The following GPD2 variants were observed in gnomAD, a reference collection of about 807,000 sequenced individuals.
GPD2 encodes glycerol-3-phosphate dehydrogenase, mitochondrial.
GPD2 carries 54 observed loss-of-function variants against 82.4 expected under a neutral mutation model. That is an observed-to-expected ratio of 0.66 (90% CI 0.53 to 0.82). The LOEUF (loss-of-function observed/expected upper bound fraction) is 0.82, where lower values mean the gene tolerates loss of function less well. Among genes scored for constraint, GPD2 ranks in the 40% least tolerant of loss-of-function variants. The pLI is 0.00. For missense variants in GPD2, 748 were observed against 896.2 expected, an observed-to-expected ratio of 0.83 and a Z score of 2.11; for synonymous variants, 288 against 306.1, an observed-to-expected ratio of 0.94 and a Z score of 0.62.
chr2:156,569,568 CTT>C (rs1303657853), intron 11 of GPD2, 30 bp downstream of exon 11: 8 of 1,542,936 alleles, frequency 5.2e-6, no homozygotes, highest in Non-Finnish European at 7.2e-6. Context: ...TCATCTTACT[CTT>C]TACCTAATCT....
At chr2:156,568,987 T>TTTA in intron 10 of GPD2, 28 bp downstream of exon 10, 1 of 1,510,394 alleles carries the variant, frequency 6.6e-7, no homozygotes, top group Non-Finnish European at 8.9e-7. Flanking sequence ...GTTATTTTCT[T>TTTA]TTCTTTTTTT....
intron 6 of GPD2, among the ~76,000 whole-genome samples, chr2:156,545,761 T>G (rs1040565093): frequency 5.3e-5 from 8 of 152,212 alleles, no homozygotes. Flanking sequence ...TTCTTCATAC[T>G]CTATACATCA....
In GPD2 at chr2:156,578,936, T is replaced by C; in HGVS notation, c.1815T>C (p.Tyr605=). ...ARKFLYYEMG[Y]KSRSEQLTDR... Reference sequence around the variant, plus strand: ...AGTTTCTATATTATGAAATGGGCTATAAATCTCGATCAGAACAGTTAACAG... The same window carrying C: ...AGTTTCTATATTATGAAATGGGCTACAAATCTCGATCAGAACAGTTAACAG... Residue 605 remains tyrosine (Y), a synonymous_variant, in exon 14 of 17, where the codon TAT becomes TAC. Coordinates refer to ENST00000438166, the MANE Select transcript of GPD2 (RefSeq NM_000408.5). 4 of 1,612,314 alleles carry C rather than the reference T, an allele frequency of 2.5e-6. No homozygotes were observed. The highest frequency in any genetic ancestry group is 3.4e-6 in the Non-Finnish European group (4 of 1,178,588).
Position 156,585,083 on chromosome 2 carries a change from A to G in GPD2, c.*2165A>G, listed in dbSNP as rs1401056196. On this transcript the variant is annotated 3_prime_UTR_variant, in exon 17 of 17. Transcript: ENST00000438166. ...TTTTACTTTAAATCTGCTAATTTCT[A>G]AAATGTAGAGTCCTTCACCAATCCC... 1.3e-5 allele frequency: 2 copies of G among 151,968 alleles called. No individual in the cohort carries two copies. The highest frequency in any genetic ancestry group is 2.9e-5 in the Non-Finnish European group (2 of 67,918). The allele number at this position is 151,968 out of a possible 1,614,324, so 9.4% of individuals were successfully genotyped here.
At chr2:156,482,190 G>T (rs183863077) in intron 2 of GPD2, among the ~76,000 whole-genome samples, 1 of 152,302 alleles carries the variant, frequency 6.6e-6, no homozygotes, top group East Asian at 1.9e-4. Flanking sequence ...AAACTTTTGG[G>T]ATTAGTAGCA....
chr2:156,582,185 A>G (rs891381382), intron 16 of GPD2, among the ~76,000 whole-genome samples: 25 of 152,208 alleles, frequency 1.6e-4, no homozygotes, highest in African/African-American at 5.8e-4. Context: ...CGCTGCCTGC[A>G]TGTAATTTCA....
At chr2:156,503,698 G>A (rs532533798) in intron 3 of GPD2, among the ~76,000 whole-genome samples, 7 of 152,128 alleles carry the variant, frequency 4.6e-5, no homozygotes, top group Non-Finnish European at 1.0e-4. Context: ...TGTTTTTAAA[G>A]CGAGATGGTA....
chr2:156,549,619 G>A lies in GPD2; in HGVS notation c.673G>A (p.Asp225Asn), dbSNP rs370791262. The stretch of plus-strand genomic sequence containing the variant: ...TTTCCCCGCTGCAGGACAACATAAC[G>A]ATGCACGGATGAACCTTGCCATTGC... Reference protein sequence around the residue: ...AIVYYDGQHNDARMNLAIALT... With the variant: ...AIVYYDGQHNNARMNLAIALT... The change falls in exon 7 of 17, where the codon GAT (aspartate) becomes AAT (asparagine). Residue 225 changes from aspartate (D) to asparagine (N), a missense_variant. Physicochemically the swap from Asp to Asn is conservative, Grantham distance 23 (BLOSUM62 1). Around this residue, in one of 3 missense-constraint regions of GPD2, gnomAD observed 692 missense variants for 809.7 expected, o/e 0.85. Coordinates refer to ENST00000438166, the MANE Select transcript of GPD2 (RefSeq NM_000408.5). The A allele has an allele frequency of 4.0e-5, 64 of 1,613,858 alleles. No individual in the cohort carries two copies. The highest frequency in any genetic ancestry group is 5.0e-5 in the Non-Finnish European group (59 of 1,179,902).
At chr2:156,455,473 A>C (rs2105164869) in intron 1 of GPD2, among the ~76,000 whole-genome samples, 1 of 152,228 alleles carries the variant, frequency 6.6e-6, no homozygotes, top group South Asian at 2.1e-4. Context: ...CGTATATAAG[A>C]TTTCCAGTGA....
intron 2 of GPD2, among the ~76,000 whole-genome samples, chr2:156,483,027 C>G (rs1683791277): frequency 6.6e-6 from 1 of 151,876 alleles, no homozygotes; most frequent in Non-Finnish European, 1.5e-5. Flanking sequence ...TTTGTAAGAG[C>G]TCTAACGAAG....
At chr2:156,575,434 G>A (rs1234558653) in intron 13 of GPD2, among the ~76,000 whole-genome samples, 15 of 122,706 alleles carry the variant, frequency 1.2e-4, no homozygotes, top group Admixed American at 2.9e-4. Flanking sequence ...ACAAGGTCTT[G>A]CTATGTTGCC....
intron 3 of GPD2, among the ~76,000 whole-genome samples, chr2:156,502,654 G>A (rs1684629249): frequency 6.6e-6 from 1 of 152,140 alleles, no homozygotes; most frequent in Non-Finnish European, 1.5e-5. Context: ...TAGAACTCCT[G>A]AGATCAAGTG....
the GPD2 span, among the ~76,000 whole-genome samples, chr2:156,413,503 G>C: frequency 8.6e-5 from 13 of 151,548 alleles, no homozygotes; most frequent in South Asian, 2.1e-4. Context: ...AGAATCACTT[G>C]AACCCAGGAG....
At chr2:156,477,975 A>G (rs1683571982) in intron 2 of GPD2, among the ~76,000 whole-genome samples, 1 of 152,214 alleles carries the variant, frequency 6.6e-6, no homozygotes, top group South Asian at 2.1e-4. Context: ...AGGTCACAAT[A>G]TCTAATATGA....
In GPD2 at chr2:156,571,289, G is replaced by A; in HGVS notation, c.1764G>A (p.Lys588=). The change falls in exon 13 of 17, where the codon AAG becomes AAA. Residue 588 remains lysine (K), a synonymous_variant. Transcript: ENST00000438166. ...AACTGAATTGGGATGATTATAAGAA[G>A]CAGGTATTATATAGAAGTCTTTAAA... is the stretch of plus-strand genomic sequence containing the variant. ...GRELNWDDYK[K]QEQLETARKF... is the part of the protein sequence containing the mutation. The A allele has an allele frequency of 6.3e-7, 1 of 1,599,372 alleles. No homozygotes were observed. Among genetic ancestry groups the A allele is most frequent in the Non-Finnish European group, 8.5e-7 (1 of 1,170,906 alleles).
chr2:156,416,020 CAA>C, the GPD2 span, among the ~76,000 whole-genome samples: 2 of 44,408 alleles, frequency 4.5e-5, no homozygotes, highest in Admixed American at 2.6e-4. Context: ...GACTCCGTCT[CAA>C]AAAAAAAAAA....
Position 156,578,975 on chromosome 2 carries a change from T to C in GPD2, c.1854T>C (p.Ile618=). The C allele has an allele frequency of 6.2e-7, 1 of 1,606,508 alleles. No homozygotes were observed. The highest frequency in any genetic ancestry group is 1.7e-4 in the Middle Eastern group (1 of 6,034). ...RSEQLTDRSE[I]SLLPSDIDRY... ...AACAGTTAACAGATCGCTCTGAAAT[T>C]AGCCTACTGCCTTCAGACATTGACA... The change falls in exon 14 of 17, where the codon ATT becomes ATC. Residue 618 remains isoleucine (I), a synonymous_variant. Transcript: ENST00000438166.
the GPD2 span, among the ~76,000 whole-genome samples, chr2:156,427,303 G>A: frequency 1.2e-4 from 19 of 152,260 alleles, no homozygotes; most frequent in South Asian, 1.7e-3. Context: ...TGTCTGCCTC[G>A]GACCCCACAT....
At chr2:156,561,040 CTTTTT>C (rs35948070) in intron 9 of GPD2, among the ~76,000 whole-genome samples, 428 of 27,618 alleles carry the variant, frequency 0.015, 6 homozygotes, top group African/African-American at 0.057. Context: ...TGACATTAAG[CTTTTT>C]TTTTTTTTTT....
Sources: allele counts gnomAD v4.1 joint callset (sites outside exome capture counted in the v4.1 genomes callset), GRCh38; gene constraint gnomAD v4.1.1; regional missense constraint gnomAD v4.1.1; transcripts MANE v1.5; gene names NCBI Gene and HGNC (gene_info 2026-07-23, HGNC 2026-07-21).